GAPDHS: variants seen among roughly 807,000 people sequenced by gnomAD.
The protein encoded by GAPDHS is glyceraldehyde-3-phosphate dehydrogenase, spermatogenic.
GAPDHS carries 42 observed loss-of-function variants against 48.7 expected under a neutral mutation model. That is an observed-to-expected ratio of 0.86 (90% CI 0.67 to 1.12). The LOEUF is 1.12. Ranked by LOEUF, GAPDHS falls within the 50% of genes most tolerant of loss-of-function variation. The pLI, the probability that GAPDHS is intolerant of heterozygous loss-of-function variation, is 0.00. For missense variants in GAPDHS, 512 were observed against 557.7 expected (o/e 0.92, Z 0.82); for synonymous variants, 166 against 219.1 (o/e 0.76, Z 2.14).
At chr19:35,543,547 T>G (rs1385591525) in intron 8 of GAPDHS, 56 bp downstream of exon 8, 1 of 1,576,082 alleles carries the variant, frequency 6.3e-7, no homozygotes, top group African/African-American at 1.4e-5. Flanking sequence ...AGGACTGGAC[T>G]GGCCCGGCCC....
chr19:35,540,594 T>C lies in GAPDHS; in HGVS notation c.450-1725T>C, dbSNP rs1348854921. On this transcript the variant is annotated intron_variant, in intron 4 of 10. Coordinates refer to ENST00000222286, the MANE Select transcript of GAPDHS (RefSeq NM_014364.5). ...CTTTGCAGGGCAGCCCATTCATTCA[T>C]TCATTCAGGCAGTGGAAACAGGAGT... 2.0e-5 allele frequency: 3 copies of C among 152,204 alleles called. No homozygotes were observed. In the East Asian group the frequency reaches 5.8e-4, roughly 29 times the overall value. 9.4% of individuals were successfully genotyped at this position (152,204 alleles called of 1,614,324 possible).
At chr19:35,538,991 GCAT>G (rs2071483816) in intron 4 of GAPDHS, among the ~76,000 whole-genome samples, 4 of 152,096 alleles carry the variant, frequency 2.6e-5, no homozygotes, top group Middle Eastern at 6.8e-3. Context: ...ATAGCTCACC[GCAT>G]CCTTGACCTC....
In GAPDHS at chr19:35,543,824, T is replaced by G; in HGVS notation, c.1053T>G (p.Asp351Glu). Residue 351 changes from aspartate to glutamate, a missense_variant, in exon 9 of 11, where the codon GAT becomes GAG. Asp to Glu is a conservative substitution (Grantham distance 45). Coordinates refer to ENST00000222286, the MANE Select transcript of GAPDHS (RefSeq NM_014364.5). ...PMAGILAYTE[D>E]EVVSTDFLGD... ...CTGGCATCCTTGCCTACACCGAGGATGAGGTAGGGGCTGAGGAGAGGAGAC... is the reference window on the plus strand; with the variant it reads ...CTGGCATCCTTGCCTACACCGAGGAGGAGGTAGGGGCTGAGGAGAGGAGAC... 6.2e-7 allele frequency: 1 copy of G among 1,610,618 alleles called. No homozygotes were observed. Among genetic ancestry groups the G allele is most frequent in the Non-Finnish European group, 8.5e-7 (1 of 1,178,728 alleles).
intron 9 of GAPDHS, chr19:35,544,127 A>G (rs2071527194): frequency 3.0e-6 from 1 of 331,176 alleles, no homozygotes; most frequent in African/African-American, 2.1e-5. Flanking sequence ...ATTTCATTTC[A>G]TAGTCACTGT....
chr19:35,543,124 G>A (rs1341340637), intron 7 of GAPDHS, 98 bp downstream of exon 7: 2 of 1,067,104 alleles, frequency 1.9e-6, no homozygotes, highest in African/African-American at 3.1e-5. Context: ...GGGAGAGACT[G>A]GTTTCGGGAG....
rs2071523376 is a variant in GAPDHS at position 35,543,746 on chromosome 19, C to A, written c.975C>A (p.Ala325=). Residue 325 remains alanine (A), a synonymous_variant, in exon 9 of 11, where the codon GCC becomes GCA. Transcript: ENST00000222286. The part of the protein sequence containing the change: ...VDLTCRLAQP[A]PYSAIKEAVK... ...TGACCTGCCGCCTCGCCCAGCCTGC[C>A]CCCTACTCAGCCATCAAGGAGGCTG... 6.2e-7 allele frequency: 1 copy of A among 1,613,932 alleles called. No individual in the cohort carries two copies. Among genetic ancestry groups the A allele is most frequent in the South Asian group, 1.1e-5 (1 of 91,092 alleles).
In GAPDHS at chr19:35,545,000, T is replaced by C; in HGVS notation, c.1148T>C (p.Ile383Thr). Residue 383 changes from isoleucine (I) to threonine (T), a missense_variant, in exon 10 of 11, where the codon ATT becomes ACT. Physicochemically the swap from Ile to Thr is moderately conservative, Grantham distance 89. Coordinates refer to ENST00000222286, the MANE Select transcript of GAPDHS (RefSeq NM_014364.5). ...CTCAATGACAATTTCGTGAAGCTCA[T>C]TTCATGGTAAGGGGGAAGGAGCTGG... ...IALNDNFVKLISWYDNEYGYS... is the reference protein window; with the variant it reads ...IALNDNFVKLTSWYDNEYGYS... 6.2e-7 allele frequency: 1 copy of C among 1,613,112 alleles called. No individual in the cohort carries two copies. Among genetic ancestry groups the C allele is most frequent in the South Asian group, 1.1e-5 (1 of 91,064 alleles).
In GAPDHS at chr19:35,536,997, C is replaced by T. The variant is rs145446174; in HGVS notation, c.245+7C>T. ...TGACTGTGGGCATCAATGGGTGAGT[C>T]TACTCCAGCCCCTGATCAGTCTGAA... On this transcript the variant is annotated splice_region_variant and intron_variant, in intron 2 of 10. Transcript: ENST00000222286. 184 of 1,610,420 alleles carry T rather than the reference C, an allele frequency of 1.1e-4. 3 individuals carry two copies. In the African/African-American group the frequency reaches 1.2e-3, roughly 11 times the overall value.
rs1342823472 is a variant in GAPDHS at position 35,543,024 on chromosome 19, A to T, written c.739A>T (p.Met247Leu). 5.0e-6 allele frequency: 8 copies of T among 1,610,310 alleles called. No homozygotes were observed. The highest frequency in any genetic ancestry group is 1.7e-5 in the Admixed American group (1 of 60,012). ...GCGATTTGGGATCGTGGAAGGGTTG[A>T]TGGTGAGTTGAGGATGAGGGGCTGG... ...HERFGIVEGLMTTVHSYTATQ... is the reference protein window; with the variant it reads ...HERFGIVEGLLTTVHSYTATQ... Residue 247 changes from methionine to leucine, a missense_variant and splice_region_variant, in exon 7 of 11, where the codon ATG becomes TTG. Physicochemically the swap from Met to Leu is conservative, Grantham distance 15. Transcript: ENST00000222286.
At chr19:35,537,874 G>C (rs113337032) in intron 2 of GAPDHS, among the ~76,000 whole-genome samples, 1 of 152,142 alleles carries the variant, frequency 6.6e-6, no homozygotes, top group Non-Finnish European at 1.5e-5. Context: ...TCAGGAGTTC[G>C]AGACCAGCCT....
intron 9 of GAPDHS, 153 bp from the exon 10 acceptor site, chr19:35,544,756 C>A: frequency 1.5e-6 from 1 of 650,508 alleles, no homozygotes. Flanking sequence ...TGCACTTGGT[C>A]ATACCCTCCA....
At chr19:35,544,764 C>T in intron 9 of GAPDHS, 145 bp from the exon 10 acceptor site, 2 of 663,270 alleles carry the variant, frequency 3.0e-6, no homozygotes, top group Non-Finnish European at 5.5e-6. Context: ...GTCATACCCT[C>T]CAGTCCAGAG....
chr19:35,542,094 G>C lies in GAPDHS; in HGVS notation c.450-225G>C. On this transcript the variant is annotated intron_variant, in intron 4 of 10. Transcript: ENST00000222286. ...CACCACCTGTACCCAGGCATAACAG[G>C]GGTGGTGCAATCAGCAAAGGGAAAG... The C allele has an allele frequency of 3.5e-6, 2 of 569,520 alleles. 1 individual carries two copies. Among genetic ancestry groups the C allele is most frequent in the Admixed American group, 6.0e-5 (2 of 33,470 alleles). The allele number at this position is 569,520 out of a possible 1,614,324, so 35.3% of individuals were successfully genotyped here.
chr19:35,543,546 C>A (rs2071521026), intron 8 of GAPDHS, 55 bp downstream of exon 8: 10 of 1,576,194 alleles, frequency 6.3e-6, no homozygotes, highest in Non-Finnish European at 8.6e-6. Context: ...GAGGACTGGA[C>A]TGGCCCGGCC....
At chr19:35,542,138 T>C (rs1164289852) in intron 4 of GAPDHS, 181 bp from the exon 5 acceptor site, 4 of 603,038 alleles carry the variant, frequency 6.6e-6, no homozygotes, top group Non-Finnish European at 1.2e-5. Flanking sequence ...AGTGGGGCAG[T>C]GGTGAAAAGC....
intron 9 of GAPDHS, 72 bp from the exon 10 acceptor site, chr19:35,544,835 TAA>T (rs751037829): frequency 1.1e-5 from 9 of 846,694 alleles, no homozygotes; most frequent in Non-Finnish European, 1.9e-5. Flanking sequence ...GCGATAGAGT[TAA>T]GAGTCGGGGC....
chr19:35,544,070 C>A (rs1419615706), intron 9 of GAPDHS: 12 of 531,322 alleles, frequency 2.3e-5, no homozygotes, highest in Non-Finnish European at 3.4e-5. Context: ...TTCAGCAAGG[C>A]ACCCCCTCAA....
chr19:35,535,542 G>A (rs928329023), intron 1 of GAPDHS, among the ~76,000 whole-genome samples: 2 of 151,788 alleles, frequency 1.3e-5, no homozygotes, highest in African/African-American at 2.4e-5. Flanking sequence ...GTGCCACCAC[G>A]CCTGGCTAAT....
At position 35,542,474 on chromosome 19, in the gene GAPDHS, T is replaced by C; in HGVS notation, c.541-16T>C. 2 of 1,600,992 alleles carry C rather than the reference T, an allele frequency of 1.2e-6. No homozygotes were observed. The highest frequency in any genetic ancestry group is 1.7e-6 in the Non-Finnish European group (2 of 1,168,066). On this transcript the variant is annotated splice_polypyrimidine_tract_variant and intron_variant, in intron 5 of 10. Transcript: ENST00000222286. ...GATGGTGCCAGAAGCCCCTGACACC[T>C]GCGCTTCCTCCCCAGGACCACATCT... is the stretch of plus-strand genomic sequence containing the variant.
Sources: allele counts gnomAD v4.1 joint callset (sites outside exome capture counted in the v4.1 genomes callset), GRCh38; gene constraint gnomAD v4.1.1; transcripts MANE v1.5; gene names NCBI Gene and HGNC (gene_info 2026-07-23, HGNC 2026-07-21).